NBAS: variants seen among roughly 807,000 people sequenced by gnomAD.
NBAS encodes the protein NBAS subunit of NRZ tethering complex.
A neutral mutation model predicts 302.5 loss-of-function variants in NBAS; 219 were observed. The observed-to-expected ratio is 0.72, with a 90% CI of 0.65 to 0.81. NBAS has a LOEUF of 0.81. NBAS is among the 30% of genes least tolerant of loss of function. The pLI is 0.00. For synonymous variants in NBAS, 1,118 were observed against 1,021.6 expected, an observed-to-expected ratio of 1.09 and a Z score of -1.80; for missense variants, 2,932 against 2,841.6, an observed-to-expected ratio of 1.03 and a Z score of -0.72.
At chr2:14,877,014 G>T in the NBAS span, among the ~76,000 whole-genome samples, 5 of 152,154 alleles carry the variant, frequency 3.3e-5, no homozygotes, top group East Asian at 9.6e-4. Context: ...AGTGACACTT[G>T]CCCCCTCTAA....
intron 44 of NBAS, among the ~76,000 whole-genome samples, chr2:15,250,211 G>A (rs927916461): frequency 6.6e-6 from 1 of 152,162 alleles, no homozygotes; most frequent in Non-Finnish European, 1.5e-5. Context: ...AAGCAATGGG[G>A]AAAGGATTCC....
intron 43 of NBAS, 29 bp from the exon 44 acceptor site, chr2:15,275,847 G>C (rs1328353150): frequency 4.4e-6 from 7 of 1,589,772 alleles, no homozygotes; most frequent in African/African-American, 1.3e-5. Context: ...AAGTAGGTAA[G>C]TGGTTCATTC....
chr2:14,914,775 G>A, the NBAS span, among the ~76,000 whole-genome samples: 200 of 152,324 alleles, frequency 1.3e-3, no homozygotes, highest in African/African-American at 4.6e-3. Context: ...ACTTCCCTGA[G>A]ATAAGCGATT....
the NBAS span, among the ~76,000 whole-genome samples, chr2:14,872,032 T>C: frequency 6.6e-6 from 1 of 152,090 alleles, no homozygotes; most frequent in Non-Finnish European, 1.5e-5. Flanking sequence ...CACATTTACA[T>C]ATAAAAACAG....
At chr2:15,439,965 C>A (rs1678268810) in intron 21 of NBAS, among the ~76,000 whole-genome samples, 1 of 152,262 alleles carries the variant, frequency 6.6e-6, no homozygotes, top group Non-Finnish European at 1.5e-5. Context: ...GGGGCAACCG[C>A]CATTGCCCAG....
At chr2:15,550,590 T>TC (rs1166522153) in intron 6 of NBAS, among the ~76,000 whole-genome samples, 1 of 92,866 alleles carries the variant, frequency 1.1e-5, no homozygotes, top group Non-Finnish European at 2.6e-5. Context: ...TTCTGTCTTT[T>TC]CTTTTTTTTT....
the NBAS span, among the ~76,000 whole-genome samples, chr2:14,808,859 G>A: frequency 6.6e-6 from 1 of 152,200 alleles, no homozygotes; most frequent in Non-Finnish European, 1.5e-5. Context: ...TCAATGATAT[G>A]GACAATGAAA....
intron 42 of NBAS, 27 bp downstream of exon 42, chr2:15,287,046 A>T (rs1572591935): frequency 6.6e-7 from 1 of 1,523,754 alleles, no homozygotes; most frequent in East Asian, 2.3e-5. Flanking sequence ...ACATGGAAAC[A>T]AACGTACATA....
the NBAS span, among the ~76,000 whole-genome samples, chr2:14,892,147 C>A: frequency 6.6e-6 from 1 of 152,270 alleles, no homozygotes; most frequent in East Asian, 1.9e-4. Flanking sequence ...AAAATGAATG[C>A]AGAATTGGTA....
the NBAS span, among the ~76,000 whole-genome samples, chr2:15,153,176 T>C: frequency 6.6e-6 from 1 of 152,224 alleles, no homozygotes. Context: ...CAAAGCTTGA[T>C]GTCAAAAATC....
the NBAS span, among the ~76,000 whole-genome samples, chr2:14,832,910 C>G: frequency 6.6e-6 from 1 of 152,144 alleles, no homozygotes; most frequent in Middle Eastern, 3.2e-3. Flanking sequence ...CAGGTGAGAA[C>G]CACTGTTCTA....
At chr2:14,975,176 T>C in the NBAS span, among the ~76,000 whole-genome samples, 3 of 152,224 alleles carry the variant, frequency 2.0e-5, no homozygotes, top group African/African-American at 7.2e-5. Flanking sequence ...CCAGCCATCA[T>C]TTTGATTTCA....
the NBAS span, among the ~76,000 whole-genome samples, chr2:14,862,505 C>T: frequency 6.6e-6 from 1 of 152,080 alleles, no homozygotes. Flanking sequence ...TTCATTCCTA[C>T]CTTATTTTCT....
chr2:15,327,527 T>C (rs1433436129), intron 38 of NBAS, among the ~76,000 whole-genome samples: 1 of 152,218 alleles, frequency 6.6e-6, no homozygotes, highest in Non-Finnish European at 1.5e-5. Flanking sequence ...ATTCATCCCT[T>C]TAAATCCTCA....
chr2:14,823,677 A>G, the NBAS span, among the ~76,000 whole-genome samples: 6 of 152,318 alleles, frequency 3.9e-5, no homozygotes, highest in South Asian at 1.2e-3. Context: ...AAAACTTTTA[A>G]AAATGGTTGA....
chr2:15,423,464 A>G (rs1363701119), intron 23 of NBAS, among the ~76,000 whole-genome samples: 1 of 152,226 alleles, frequency 6.6e-6, no homozygotes, highest in Non-Finnish European at 1.5e-5. Flanking sequence ...TAAACTAAGT[A>G]GAAATTCATT....
chr2:15,295,089 C>T (rs1225335466), intron 40 of NBAS, among the ~76,000 whole-genome samples: 1 of 152,160 alleles, frequency 6.6e-6, no homozygotes, highest in Non-Finnish European at 1.5e-5. Context: ...TTTATTATCT[C>T]CAAGATTTAA....
chr2:15,515,546 G>A (rs1167436586), intron 9 of NBAS, among the ~76,000 whole-genome samples: 1 of 152,014 alleles, frequency 6.6e-6, no homozygotes, highest in Non-Finnish European at 1.5e-5. Flanking sequence ...AAACCCCAAG[G>A]GGTATCAACC....
At position 15,352,036 on chromosome 2, in the gene NBAS, C is replaced by T. The variant is rs1250190572; in HGVS notation, c.4135G>A (p.Glu1379Lys). The T allele has an allele frequency of 6.2e-7, 1 of 1,612,280 alleles. No individual in the cohort carries two copies. Among genetic ancestry groups the T allele is most frequent in the South Asian group, 1.1e-5 (1 of 91,032 alleles). Reference sequence around the variant, plus strand: ...GTTAATGGTGAAGCACTGATATTTTCCCCTCCTTCATGATGGATCTGGAAA... The same window carrying T: ...GTTAATGGTGAAGCACTGATATTTTTCCCTCCTTCATGATGGATCTGGAAA... ...VNFQIHHEGG[E>K]NISASPLTSK... is the part of the protein sequence containing the mutation. Residue 1379 changes from glutamate to lysine, a missense_variant, in exon 35 of 52, where the codon GAA (glutamate) becomes AAA (lysine). Physicochemically the swap from Glu to Lys is moderately conservative, Grantham distance 56. Transcript: ENST00000281513.
Sources: gnomAD v4.1 joint callset for allele counts (sites outside exome capture counted in the v4.1 genomes callset) on GRCh38, gnomAD v4.1.1 for gene constraint, MANE v1.5 for transcripts, NCBI Gene and HGNC (gene_info 2026-07-23, HGNC 2026-07-21) for gene names.